The following WDR7 variants were observed in gnomAD, a reference collection of about 807,000 sequenced individuals.
WDR7 encodes WD repeat domain 7.
Under a neutral mutation model 169.4 loss-of-function variants are expected in WDR7, and 46 were observed. The ratio of observed to expected loss-of-function variants is 0.27; its 90% CI spans 0.21 to 0.35. The LOEUF is 0.35. WDR7 is among the 10% of genes least tolerant of loss of function. The pLI is 1.00. For synonymous variants in WDR7, 612 were observed against 666.8 expected (o/e 0.92, Z 1.27); for missense variants, 1,534 against 1,859.3 (o/e 0.83, Z 3.22).
intron 20 of WDR7, among the ~76,000 whole-genome samples, chr18:56,854,367 T>C (rs1194951202): frequency 6.6e-6 from 1 of 152,212 alleles, no homozygotes; most frequent in Non-Finnish European, 1.5e-5. Context: ...TAAAGGATAT[T>C]ACAAAGGATA....
chr18:56,969,594 C>G (rs1192773539), intron 26 of WDR7, among the ~76,000 whole-genome samples: 3 of 152,154 alleles, frequency 2.0e-5, no homozygotes, highest in African/African-American at 7.2e-5. Context: ...TTACTCTATA[C>G]TAATAGGTGA....
chr18:56,671,291 G>T (rs1044818132), intron 1 of WDR7, among the ~76,000 whole-genome samples: 43 of 118,924 alleles, frequency 3.6e-4, no homozygotes, highest in African/African-American at 1.1e-3. Flanking sequence ...TGAGCAAAGT[G>T]TTTTTTTTTT....
intron 12 of WDR7, among the ~76,000 whole-genome samples, chr18:56,712,598 C>G (rs1404033566): frequency 6.6e-6 from 1 of 152,076 alleles, no homozygotes; most frequent in Non-Finnish European, 1.5e-5. Flanking sequence ...CATTTGATGT[C>G]ATTGGTGCAT....
intron 20 of WDR7, among the ~76,000 whole-genome samples, chr18:56,862,347 A>G (rs2045818484): frequency 6.6e-6 from 1 of 151,536 alleles, no homozygotes; most frequent in Non-Finnish European, 1.5e-5. Context: ...AATTAACGGT[A>G]TATGAATAGT....
intron 15 of WDR7, among the ~76,000 whole-genome samples, chr18:56,758,346 T>C (rs1475794508): frequency 6.6e-6 from 1 of 152,188 alleles, no homozygotes; most frequent in South Asian, 2.1e-4. Context: ...TTATCCCTTT[T>C]ATTACGGAGA....
At chr18:56,848,052 A>G (rs2045591496) in intron 20 of WDR7, among the ~76,000 whole-genome samples, 1 of 152,206 alleles carries the variant, frequency 6.6e-6, no homozygotes, top group South Asian at 2.1e-4. Context: ...CATTGGCAGC[A>G]TACACCCTGA....
At chr18:56,861,500 T>A (rs1052265899) in intron 20 of WDR7, among the ~76,000 whole-genome samples, 2 of 152,212 alleles carry the variant, frequency 1.3e-5, no homozygotes, top group Non-Finnish European at 2.9e-5. Flanking sequence ...CTTTGTCAAG[T>A]CTTTTATCAC....
intron 8 of WDR7, 61 bp downstream of exon 8, chr18:56,691,422 A>G (rs546606829): frequency 6.7e-7 from 1 of 1,492,782 alleles, no homozygotes; most frequent in South Asian, 1.4e-5. Flanking sequence ...AATTTAGGGT[A>G]CAACCTGACT....
At chr18:56,786,246 C>G (rs749137592) in intron 19 of WDR7, among the ~76,000 whole-genome samples, 10 of 151,990 alleles carry the variant, frequency 6.6e-5, no homozygotes, top group Non-Finnish European at 1.2e-4. Flanking sequence ...AGAATAAAGT[C>G]CTTACCGGGC....
At chr18:56,754,106 A>G (rs966410162) in intron 14 of WDR7, among the ~76,000 whole-genome samples, 1 of 151,946 alleles carries the variant, frequency 6.6e-6, no homozygotes, top group African/African-American at 2.4e-5. Flanking sequence ...ATATATATGT[A>G]TGTTTGTGTG....
intron 22 of WDR7, among the ~76,000 whole-genome samples, chr18:56,931,078 G>T (rs947936733): frequency 6.6e-6 from 1 of 151,932 alleles, no homozygotes; most frequent in Admixed American, 6.6e-5. Flanking sequence ...TTCATATTGG[G>T]TGTGTACACT....
chr18:56,760,144 T>C (rs1437653162), intron 16 of WDR7, among the ~76,000 whole-genome samples: 3 of 152,196 alleles, frequency 2.0e-5, no homozygotes, highest in Non-Finnish European at 4.4e-5. Context: ...TGCTTGCATG[T>C]GTGAAATATA....
At chr18:56,980,985 AT>A (rs1171755898) in intron 26 of WDR7, among the ~76,000 whole-genome samples, 11 of 152,334 alleles carry the variant, frequency 7.2e-5, no homozygotes, top group African/African-American at 2.6e-4. Context: ...TATAAAGATC[AT>A]TTTTGCTGCT....
At chr18:56,669,309 AAATGATTC>A (rs1305125966) in intron 1 of WDR7, among the ~76,000 whole-genome samples, 18 of 152,292 alleles carry the variant, frequency 1.2e-4, no homozygotes, top group African/African-American at 4.1e-4. Context: ...GTTAACTTAA[AAATGATTC>A]AATATTAATT....
At chr18:56,757,421 T>A in intron 15 of WDR7, 69 bp downstream of exon 15, 3 of 1,423,582 alleles carry the variant, frequency 2.1e-6, no homozygotes, top group South Asian at 1.5e-5. Flanking sequence ...TTTTTCATTG[T>A]TGATTACTCT....
intron 26 of WDR7, among the ~76,000 whole-genome samples, chr18:57,017,412 C>CTGTGTGTGTGTGTG (rs10571337): frequency 1.6e-4 from 23 of 143,658 alleles, no homozygotes; most frequent in African/African-American, 2.6e-4. Flanking sequence ...CAGCATCATG[C>CTGTGTGTGTGTGTG]TGTGTGTGTG....
chr18:57,004,475 A>G (rs2048027655), intron 26 of WDR7, among the ~76,000 whole-genome samples: 1 of 152,132 alleles, frequency 6.6e-6, no homozygotes, highest in Admixed American at 6.5e-5. Flanking sequence ...GCTTTTGGAA[A>G]CTGGCCCAGA....
rs2048397694 is a variant in WDR7, at chr18:57,028,291, A to G, written c.*1084A>G. On this transcript the variant is annotated 3_prime_UTR_variant, in exon 28 of 28. Coordinates refer to ENST00000254442, the MANE Select transcript of WDR7 (RefSeq NM_015285.3). Reference sequence around the variant, plus strand: ...CAAATGTTCAGGAGTGTATATAAAAATATGTGGGCTCTCGATTTATTTGAG... The same window carrying G: ...CAAATGTTCAGGAGTGTATATAAAAGTATGTGGGCTCTCGATTTATTTGAG... 1.3e-5 allele frequency: 2 copies of G among 152,356 alleles called. No homozygotes were observed. The highest frequency in any genetic ancestry group is 2.4e-5 in the African/African-American group (1 of 41,588). 9.4% of individuals were successfully genotyped at this position (152,356 alleles called of 1,614,324 possible). A position where few individuals can be genotyped will look rare whatever the true frequency, so the allele number is the denominator to read the frequency against.
At chr18:56,811,139 T>G (rs78050247) in intron 19 of WDR7, among the ~76,000 whole-genome samples, 2,411 of 152,340 alleles carry the variant, frequency 0.016, 66 homozygotes, top group African/African-American at 0.055. Flanking sequence ...TGTATTGCTA[T>G]ATAATATTCT....
Sources: gnomAD v4.1 joint callset for allele counts (sites outside exome capture counted in the v4.1 genomes callset) on GRCh38, gnomAD v4.1.1 for gene constraint, MANE v1.5 for transcripts, NCBI Gene and HGNC (gene_info 2026-07-23, HGNC 2026-07-21) for gene names.